BRCA2: variants seen among roughly 807,000 people sequenced by gnomAD.
BRCA2 encodes the protein BRCA2 DNA repair associated.
Under a neutral mutation model 276.7 loss-of-function variants are expected in BRCA2, and 203 were observed. The observed-to-expected ratio is 0.73, with a 90% confidence interval of 0.65 to 0.82. The LOEUF (loss-of-function observed/expected upper bound fraction) is 0.82. BRCA2 is among the 40% of genes least tolerant of loss of function. The pLI is 0.00. For synonymous variants in BRCA2, 1,289 were observed against 1,338.4 expected (o/e 0.96, Z 0.81); for missense variants, 3,920 against 3,915.0 (o/e 1.00, Z -0.03).
rs747191784 is a variant in BRCA2 at position 32,339,351 on chromosome 13, A to G, written c.4996A>G (p.Asn1666Asp). 3 of 1,589,972 alleles carry G rather than the reference A, an allele frequency of 1.9e-6. No individual in the cohort carries two copies. In the East Asian group the frequency reaches 6.7e-5, roughly 36 times the overall value. ...TCAGTCCCCTTATTCAGTCATTGAA[A>G]ATTCAGCCTTAGCTTTTTACACAAG... ...TNQSPYSVIENSALAFYTSCS... is the reference protein window; with the variant it reads ...TNQSPYSVIEDSALAFYTSCS... Residue 1666 changes from asparagine to aspartate, a missense_variant, in exon 11 of 27, where the codon AAT becomes GAT. Around this residue, in one of 2 missense-constraint regions of BRCA2, gnomAD observed 3,263 missense variants for 3,156.9 expected, o/e 1.03. Transcript: ENST00000380152.
At chr13:32,333,664 A>G (rs1049831381) in intron 10 of BRCA2, among the ~76,000 whole-genome samples, 4 of 152,164 alleles carry the variant, frequency 2.6e-5, no homozygotes, top group Non-Finnish European at 5.9e-5. Context: ...GGTTTGTTAC[A>G]TAAGTAAACG....
Position 32,398,860 on chromosome 13 carries a change from A to C in BRCA2, c.*90A>C. 3 of 1,457,764 alleles carry C rather than the reference A, an allele frequency of 2.1e-6. No individual in the cohort carries two copies. Among genetic ancestry groups the C allele is most frequent in the Non-Finnish European group, 2.8e-6 (3 of 1,087,210 alleles). 90.3% of individuals were successfully genotyped at this position (1,457,764 alleles called of 1,614,324 possible). On this transcript the variant is annotated 3_prime_UTR_variant, in exon 27 of 27. Transcript: ENST00000380152. Reference sequence around the variant, plus strand: ...AATTTCAAACCACACATTAGTACTTATGTTGCACAATGAGAAAAGAAATTA... The same window carrying C: ...AATTTCAAACCACACATTAGTACTTCTGTTGCACAATGAGAAAAGAAATTA...
At chr13:32,387,308 GC>G (rs1236284891) in intron 24 of BRCA2, among the ~76,000 whole-genome samples, 1 of 152,160 alleles carries the variant, frequency 6.6e-6, no homozygotes, top group Non-Finnish European at 1.5e-5. Context: ...TTAATCATTA[GC>G]TTTTAGTATT....
Position 32,340,620 on chromosome 13 carries a change from G to T in BRCA2, c.6265G>T (p.Glu2089Ter), listed in dbSNP as rs2072550502. The stretch of plus-strand genomic sequence containing the variant: ...AGAGGAATTTGATTTAATCAGAACT[G>T]AGCATAGTCTTCACTATTCACCTAC... ...VLEEFDLIRT[E>*]HSLHYSPTSR... The change falls in exon 11 of 27, where the codon GAG becomes TAG. Residue 2089 changes from glutamate to a stop codon, truncating the protein, a stop_gained. Transcript: ENST00000380152. LOFTEE classifies it high-confidence loss of function. 1 of 1,607,556 alleles carries T rather than the reference G, an allele frequency of 6.2e-7. No individual in the cohort carries two copies. Among genetic ancestry groups the T allele is most frequent in the South Asian group, 1.1e-5 (1 of 89,860 alleles).
At position 32,356,462 on chromosome 13, in the gene BRCA2, A is replaced by G. The variant is rs1057520611; in HGVS notation, c.7470A>G (p.Ile2490Met). Residue 2490 changes from isoleucine to methionine, a missense_variant, in exon 15 of 27, where the codon ATA (isoleucine) becomes ATG (methionine). Around this residue, in one of 2 missense-constraint regions of BRCA2, gnomAD observed 3,263 missense variants for 3,156.9 expected, o/e 1.03. Coordinates refer to ENST00000380152, the MANE Select transcript of BRCA2 (RefSeq NM_000059.4). ...LITSLQNARD[I>M]QDMRIKKKQR... is the part of the protein sequence containing the mutation. ...CAAGTCTTCAGAATGCCAGAGATATACAGGATATGCGAATTAAGAAGAAAC... is the reference window on the plus strand; with the variant it reads ...CAAGTCTTCAGAATGCCAGAGATATGCAGGATATGCGAATTAAGAAGAAAC... 6.2e-7 allele frequency: 1 copy of G among 1,614,092 alleles called. No homozygotes were observed. Among genetic ancestry groups the G allele is most frequent in the South Asian group, 1.1e-5 (1 of 91,084 alleles).
rs397507432 is a variant in BRCA2 at position 32,397,001 on chromosome 13, C to T, written c.9605C>T (p.Pro3202Leu). The T allele has an allele frequency of 5.0e-6, 8 of 1,613,938 alleles. No homozygotes were observed. The highest frequency in any genetic ancestry group is 2.2e-5 in the East Asian group (1 of 44,860). ...CCAACTAAAGACTGTACTTCAGGGC[C>T]GTACACTGCTCAAATCATTCCTGGT... The part of the protein sequence containing the change: ...STPTKDCTSG[P>L]YTAQIIPGTG... Residue 3202 changes from proline (P) to leucine (L), a missense_variant, in exon 26 of 27, where the codon CCG (proline) becomes CTG (leucine). Physicochemically the swap from Pro to Leu is moderately conservative, Grantham distance 98. Around this residue, in one of 2 missense-constraint regions of BRCA2, gnomAD observed 657 missense variants for 758.2 expected, o/e 0.87. Transcript: ENST00000380152.
chr13:32,378,009 G>C (rs2137616439), intron 21 of BRCA2, among the ~76,000 whole-genome samples: 1 of 152,314 alleles, frequency 6.6e-6, no homozygotes, highest in East Asian at 1.9e-4. Context: ...AGTGAGTCCG[G>C]TTTTAAAACC....
intron 12 of BRCA2, among the ~76,000 whole-genome samples, chr13:32,344,956 G>A (rs547029718): frequency 3.3e-5 from 5 of 152,210 alleles, no homozygotes; most frequent in Admixed American, 2.6e-4. Context: ...CGGATCTTCC[G>A]AAAGTTGACA....
chr13:32,354,859 A>T lies in BRCA2; in HGVS notation c.7008-2A>T, dbSNP rs81002823. 6.4e-7 allele frequency: 1 copy of T among 1,552,150 alleles called. No homozygotes were observed. Among genetic ancestry groups the T allele is most frequent in the Non-Finnish European group, 8.9e-7 (1 of 1,123,670 alleles). Reference sequence around the variant, plus strand: ...AACTTATATATTTTCTCCCCATTGCAGCACAACTAAGGAACGTCAAGAGAT... The same window carrying T: ...AACTTATATATTTTCTCCCCATTGCTGCACAACTAAGGAACGTCAAGAGAT... On this transcript the variant is annotated splice_acceptor_variant, in intron 13 of 26. Coordinates refer to ENST00000380152, the MANE Select transcript of BRCA2 (RefSeq NM_000059.4). LOFTEE classifies it high-confidence loss of function.
rs188587093 is a variant in BRCA2, at chr13:32,331,802, T to C, written c.794-470T>C. 4.9e-4 allele frequency among the ~76,000 whole-genome samples: 75 copies of C among 152,252 alleles called. No homozygotes were observed. The Middle Eastern group carries it at 0.01, about 21-fold the overall frequency. On this transcript the variant is annotated intron_variant, in intron 9 of 26. Coordinates refer to ENST00000380152, the MANE Select transcript of BRCA2 (RefSeq NM_000059.4). The stretch of plus-strand genomic sequence containing the variant: ...ATGGAATATTGCATTTTTCTTAGTA[T>C]GTGTGTATGTCTGTATAACTGTGTA...
rs11571744 is a variant in BRCA2, at chr13:32,370,604, C to A, written c.8487+47C>A. 34 of 1,573,904 alleles carry A rather than the reference C, an allele frequency of 2.2e-5. No homozygotes were observed. In the East Asian group the frequency reaches 7.0e-4, roughly 32 times the overall value. ...TACCATATATTTCTTTCTTTTGATACAATTAATTTGTTTGTTTGTTTGAGA... is the reference window on the plus strand; with the variant it reads ...TACCATATATTTCTTTCTTTTGATAAAATTAATTTGTTTGTTTGTTTGAGA... On this transcript the variant is annotated intron_variant, in intron 19 of 26. Coordinates refer to ENST00000380152, the MANE Select transcript of BRCA2 (RefSeq NM_000059.4).
intron 21 of BRCA2, 84 bp from the exon 22 acceptor site, chr13:32,379,233 G>A: frequency 1.5e-6 from 2 of 1,309,674 alleles, no homozygotes; most frequent in Admixed American, 1.9e-5. Flanking sequence ...TGTTGTATTT[G>A]TCCTGTTTAA....
At position 32,354,850 on chromosome 13, in the gene BRCA2, C is replaced by T. The variant is rs1555285973; in HGVS notation, c.7008-11C>T. 3 of 1,510,748 alleles carry T rather than the reference C, an allele frequency of 2.0e-6. No individual in the cohort carries two copies. Among genetic ancestry groups the T allele is most frequent in the Non-Finnish European group, 2.8e-6 (3 of 1,086,278 alleles). The allele number at this position is 1,510,748 out of a possible 1,614,324, so 93.6% of individuals were successfully genotyped here. On this transcript the variant is annotated splice_polypyrimidine_tract_variant and intron_variant, in intron 13 of 26. Coordinates refer to ENST00000380152, the MANE Select transcript of BRCA2 (RefSeq NM_000059.4). ...TAGTCAATAAACTTATATATTTTCT[C>T]CCCATTGCAGCACAACTAAGGAACG...
chr13:32,374,845 G>A (rs2072859840), intron 20 of BRCA2, among the ~76,000 whole-genome samples: 2 of 152,134 alleles, frequency 1.3e-5, no homozygotes. Context: ...CAGGTTATCG[G>A]TATAGCAGTC....
chr13:32,390,256 C>G (rs983143696), intron 24 of BRCA2, among the ~76,000 whole-genome samples: 3 of 152,050 alleles, frequency 2.0e-5, no homozygotes, highest in East Asian at 1.9e-4. Flanking sequence ...CAAAACCATT[C>G]AACTTCCTGC....
Position 32,340,837 on chromosome 13 carries a change from A to G in BRCA2, c.6482A>G (p.Asp2161Gly), listed in dbSNP as rs786201744. The change falls in exon 11 of 27, where the codon GAC (aspartate) becomes GGC (glycine). Residue 2161 changes from aspartate (D) to glycine (G), a missense_variant. This residue lies in a region of BRCA2 where 3,263 missense variants were observed against 3,156.9 expected (regional missense o/e 1.03). Coordinates refer to ENST00000380152, the MANE Select transcript of BRCA2 (RefSeq NM_000059.4). ...VSPYLSQFQQ[D>G]KQQLVLGTKV... ...CCATATCTCTCTCAATTTCAACAAGACAAACAACAGTTGGTATTAGGAACC... is the reference window on the plus strand; with the variant it reads ...CCATATCTCTCTCAATTTCAACAAGGCAAACAACAGTTGGTATTAGGAACC... 6.3e-7 allele frequency: 1 copy of G among 1,593,106 alleles called. No individual in the cohort carries two copies. Among genetic ancestry groups the G allele is most frequent in the African/African-American group, 1.4e-5 (1 of 73,608 alleles).
Position 32,380,165 on chromosome 13 carries a change from A to AT in BRCA2, c.9256+28dup. On this transcript the variant is annotated intron_variant, in intron 24 of 26. Coordinates refer to ENST00000380152, the MANE Select transcript of BRCA2 (RefSeq NM_000059.4). ...AAACAGGTAATGCACAATATAGTTA[A>AT]TTTTTTTTATTGATTCTTTTAAAAA... The AT allele has an allele frequency of 6.3e-6, 10 of 1,587,016 alleles. No homozygotes were observed. Among genetic ancestry groups the AT allele is most frequent in the Admixed American group, 1.8e-5 (1 of 54,230 alleles).
rs80358665 is a variant in BRCA2, at chr13:32,338,640, C to G, written c.4285C>G (p.Gln1429Glu). The part of the protein sequence containing the change: ...KDFETSDTFF[Q>E]TASGKNISVA... ...TTTTGAGACTTCTGATACATTTTTT[C>G]AGACTGCAAGTGGGAAAAATATTAG... The change falls in exon 11 of 27, where the codon CAG becomes GAG. Residue 1429 changes from glutamine (Q) to glutamate (E), a missense_variant. Physicochemically the swap from Gln to Glu is conservative, Grantham distance 29 (BLOSUM62 2). This residue lies in a region of BRCA2 where 3,263 missense variants were observed against 3,156.9 expected (regional missense o/e 1.03). Coordinates refer to ENST00000380152, the MANE Select transcript of BRCA2 (RefSeq NM_000059.4). 6.3e-7 allele frequency: 1 copy of G among 1,597,418 alleles called. No homozygotes were observed. Among genetic ancestry groups the G allele is most frequent in the Non-Finnish European group, 8.5e-7 (1 of 1,169,858 alleles).
At chr13:32,373,996 A>G (rs965346423) in intron 20 of BRCA2, among the ~76,000 whole-genome samples, 6 of 152,238 alleles carry the variant, frequency 3.9e-5, no homozygotes, top group African/African-American at 1.4e-4. Flanking sequence ...TGTCTTCTAC[A>G]TACCCACAGG....
Sources: gnomAD v4.1 joint callset for allele counts (sites outside exome capture counted in the v4.1 genomes callset) on GRCh38, gnomAD v4.1.1 for gene constraint, gnomAD v4.1.1 regional missense constraint, MANE v1.5 for transcripts, NCBI Gene and HGNC (gene_info 2026-07-23, HGNC 2026-07-21) for gene names.